DNAH9: variants seen among roughly 807,000 people sequenced by gnomAD.
DNAH9 encodes the protein dynein axonemal heavy chain 9.
A neutral mutation model predicts 471.6 loss-of-function variants in DNAH9; 345 were observed. The observed-to-expected ratio is 0.73, with a 90% confidence interval of 0.67 to 0.80. DNAH9 has a LOEUF of 0.80. Among genes scored for constraint, DNAH9 ranks in the 30% least tolerant of loss-of-function variants. The pLI is 0.00. For missense variants in DNAH9, 5,407 were observed against 5,609.2 expected, an observed-to-expected ratio of 0.96 and a Z score of 1.15; for synonymous variants, 2,093 against 2,123.6, an observed-to-expected ratio of 0.99 and a Z score of 0.40.
At chr17:11,824,909 T>A (rs112741412) in intron 48 of DNAH9, among the ~76,000 whole-genome samples, 77 of 151,876 alleles carry the variant, frequency 5.1e-4, no homozygotes, top group African/African-American at 1.8e-3. Context: ...CTCCTCTTCC[T>A]CCTCCTCCTC....
Position 11,598,539 on chromosome 17 carries a change from A to ACGCGGATGGGGAACCCAGCGCCGAC in DNAH9, c.57_58insAGCGCCGACCGCGGATGGGGAACCC (p.Gly20SerfsTer40). 1 of 1,405,140 alleles carries ACGCGGATGGGGAACCCAGCGCCGAC rather than the reference A, an allele frequency of 7.1e-7. No homozygotes were observed. The allele number at this position is 1,405,140 out of a possible 1,614,324, so 87.0% of individuals were successfully genotyped here. ...GAGCGGGCCGCGCTCGCGGCGGAGAACGCGGATGGGGAACCCGGCGCCGAC... is the reference window on the plus strand; with the variant it reads ...GAGCGGGCCGCGCTCGCGGCGGAGAACGCGGATGGGGAACCCAGCGCCGACCGCGGATGGGGAACCCGGCGCCGAC... On this transcript the variant is annotated frameshift_variant, in exon 1 of 69. Coordinates refer to ENST00000262442, the MANE Select transcript of DNAH9 (RefSeq NM_001372.4). LOFTEE classifies it high-confidence loss of function.
At chr17:11,925,193 C>T in intron 62 of DNAH9, 1 of 455,700 alleles carries the variant, frequency 2.2e-6, no homozygotes, top group Non-Finnish European at 4.4e-6. Context: ...CTTTTATCAC[C>T]CAGCCCACTG....
chr17:11,705,210 C>T, intron 26 of DNAH9, 25 bp downstream of exon 26: 1 of 1,610,612 alleles, frequency 6.2e-7, no homozygotes, highest in Non-Finnish European at 8.5e-7. Flanking sequence ...CAACCACTGA[C>T]AGCCTTACTG....
At chr17:11,883,828 A>T in intron 56 of DNAH9, 78 bp downstream of exon 56, 1 of 1,461,578 alleles carries the variant, frequency 6.8e-7, no homozygotes, top group South Asian at 1.3e-5. Context: ...TTAGACAATG[A>T]GTCTGACTTT....
chr17:11,698,164 T>TAATATA (rs1382496681), intron 22 of DNAH9, among the ~76,000 whole-genome samples: 1 of 79,716 alleles, frequency 1.3e-5, no homozygotes, highest in Non-Finnish European at 2.1e-5. Context: ...ATTAATATAT[T>TAATATA]ATTATATTAA....
Position 11,610,396 on chromosome 17 carries a change from C to T in DNAH9, c.615C>T (p.Val205=). 6.2e-7 allele frequency: 1 copy of T among 1,610,768 alleles called. No homozygotes were observed. The highest frequency in any genetic ancestry group is 8.5e-7 in the Non-Finnish European group (1 of 1,178,546). Residue 205 remains valine (V), a splice_region_variant and synonymous_variant, in exon 3 of 69, where the codon GTC becomes GTT. Transcript: ENST00000262442. ...ATTGTTGTTGTTTTGTCTTTCACAGCTTGGATTCTATAGATAAGTCAGTCA... is the reference window on the plus strand; with the variant it reads ...ATTGTTGTTGTTTTGTCTTTCACAGTTTGGATTCTATAGATAAGTCAGTCA... ...MEFADSKSET[V]LDSIDKSVIY...
rs73290804 is a variant in DNAH9 at position 11,629,470 on chromosome 17, C to T, written c.1404C>T (p.Ser468=). Residue 468 remains serine (S), a synonymous_variant, in exon 7 of 69, where the codon AGC becomes AGT. Coordinates refer to ENST00000262442, the MANE Select transcript of DNAH9 (RefSeq NM_001372.4). ...ACAAACTGGGAAAGGTGGAGTTCAGCGGCGTCAGAGGGAATGCTCTGAGTC... is the reference window on the plus strand; with the variant it reads ...ACAAACTGGGAAAGGTGGAGTTCAGTGGCGTCAGAGGGAATGCTCTGAGTC... ...DFHKLGKVEF[S]GVRGNALSQQ... 3.7e-3 allele frequency: 5,899 copies of T among 1,613,986 alleles called. 196 individuals carry two copies. In the African/African-American group the frequency reaches 0.068, roughly 19 times the overall value.
intron 52 of DNAH9, among the ~76,000 whole-genome samples, chr17:11,873,012 A>C (rs61504301): frequency 0.47 from 71,690 of 152,142 alleles, 17,410 homozygotes; most frequent in Non-Finnish European, 0.53. Context: ...ATCTATTTGT[A>C]AGTAGAACCT....
Position 11,962,127 on chromosome 17 carries a change from G to A in DNAH9, c.13104G>A (p.Glu4368=), listed in dbSNP as rs772131726. 2 of 1,614,200 alleles carry A rather than the reference G, an allele frequency of 1.2e-6. No homozygotes were observed. Among genetic ancestry groups the A allele is most frequent in the Non-Finnish European group, 1.7e-6 (2 of 1,180,046 alleles). The part of the protein sequence containing the change: ...AIMQSTARKN[E]WPLDQMALQC... ...TGCAGTCCACGGCTCGCAAGAATGAGTGGCCACTGGACCAGATGGCCCTGC... is the reference window on the plus strand; with the variant it reads ...TGCAGTCCACGGCTCGCAAGAATGAATGGCCACTGGACCAGATGGCCCTGC... Residue 4368 remains glutamate (E), a synonymous_variant, in exon 68 of 69, where the codon GAG becomes GAA. Coordinates refer to ENST00000262442, the MANE Select transcript of DNAH9 (RefSeq NM_001372.4). This position sits in a 1 kb window ranked among gnomAD's most constrained non-coding sequence, Gnocchi z 4.1.
At chr17:11,909,237 T>A (rs151170400) in intron 61 of DNAH9, among the ~76,000 whole-genome samples, 116 of 152,210 alleles carry the variant, frequency 7.6e-4, no homozygotes, top group Non-Finnish European at 9.7e-4. Flanking sequence ...AGCTAGCCAG[T>A]TCTTAGAGAT....
At chr17:11,864,629 G>A (rs188494268) in intron 50 of DNAH9, among the ~76,000 whole-genome samples, 2 of 152,132 alleles carry the variant, frequency 1.3e-5, no homozygotes, top group Admixed American at 6.5e-5. Flanking sequence ...GGGTGTTAAA[G>A]TCTCTCATTA....
chr17:11,748,200 A>G (rs1308252000), intron 32 of DNAH9, among the ~76,000 whole-genome samples: 1 of 149,100 alleles, frequency 6.7e-6, no homozygotes, highest in East Asian at 2.0e-4. Context: ...GGTGGTGCAC[A>G]TCTGTAGTCC....
rs186929259 is a variant in DNAH9, at chr17:11,664,729, A to G, written c.2596-104A>G. On this transcript the variant is annotated intron_variant, in intron 14 of 68. Coordinates refer to ENST00000262442, the MANE Select transcript of DNAH9 (RefSeq NM_001372.4). ...CATGTGTAATAGCAAATTCTCCACA[A>G]GAGAGTTTTTTTCTCCATATGTTGT... 1.9e-4 allele frequency: 173 copies of G among 933,448 alleles called. 2 individuals carry two copies. In the African/African-American group the frequency reaches 2.2e-3, roughly 12 times the overall value. The allele number at this position is 933,448 out of a possible 1,614,324, so 57.8% of individuals were successfully genotyped here. A position where few individuals can be genotyped will look rare whatever the true frequency, so the allele number is the denominator to read the frequency against.
At chr17:11,599,127 G>T (rs1226383080) in intron 1 of DNAH9, among the ~76,000 whole-genome samples, 1 of 152,064 alleles carries the variant, frequency 6.6e-6, no homozygotes, top group Non-Finnish European at 1.5e-5. Flanking sequence ...GGGGTTAGGG[G>T]CGGAGTCGGG....
chr17:11,851,594 C>T (rs1204848834), intron 49 of DNAH9, among the ~76,000 whole-genome samples: 1 of 152,124 alleles, frequency 6.6e-6, no homozygotes, highest in Non-Finnish European at 1.5e-5. Flanking sequence ...GAGAGTTAGA[C>T]CGTGTGCCTT....
At chr17:11,941,788 A>T (rs1974925182) in intron 66 of DNAH9, among the ~76,000 whole-genome samples, 1 of 148,246 alleles carries the variant, frequency 6.7e-6, no homozygotes, top group Non-Finnish European at 1.5e-5. Flanking sequence ...GATAGATGAT[A>T]GATAGATAGA....
intron 25 of DNAH9, 54 bp downstream of exon 25, chr17:11,704,496 C>A: frequency 6.3e-7 from 1 of 1,576,224 alleles, no homozygotes; most frequent in East Asian, 2.2e-5. Context: ...ACACTGAGAA[C>A]AGCACATACA....
chr17:11,797,534 G>C, intron 42 of DNAH9, 63 bp from the exon 43 acceptor site: 1 of 1,387,556 alleles, frequency 7.2e-7, no homozygotes, highest in Non-Finnish European at 1.0e-6. Context: ...AGGTGTCTCT[G>C]CTCTGTGGAA....
chr17:11,891,735 G>C, intron 57 of DNAH9, 42 bp from the exon 58 acceptor site: 1 of 1,598,714 alleles, frequency 6.3e-7, no homozygotes, highest in Non-Finnish European at 8.5e-7. Flanking sequence ...TGTATAGTAA[G>C]AGGGCTGTGT....
Sources: gnomAD v4.1 joint callset for allele counts (sites outside exome capture counted in the v4.1 genomes callset) on GRCh38, gnomAD v4.1.1 for gene constraint, Gnocchi (gnomAD v3.1) non-coding constraint, MANE v1.5 for transcripts, NCBI Gene and HGNC (gene_info 2026-07-23, HGNC 2026-07-21) for gene names.